The following NPAS2 variants were observed in gnomAD, a reference collection of about 807,000 sequenced individuals.
NPAS2 encodes neuronal PAS domain-containing protein 2.
A neutral mutation model predicts 107.5 loss-of-function variants in NPAS2; 23 were observed. The observed-to-expected ratio is 0.21, with a 90% CI of 0.15 to 0.30. The LOEUF (loss-of-function observed/expected upper bound fraction) is 0.30, where lower values mean the gene tolerates loss of function less well. Ranked by LOEUF, NPAS2 falls within the 10% of genes least tolerant of loss-of-function variation. NPAS2 has a pLI of 1.00. For synonymous variants in NPAS2, 403 were observed against 417.5 expected, an observed-to-expected ratio of 0.97 and a Z score of 0.42; for missense variants, 756 against 1,043.3, an observed-to-expected ratio of 0.72 and a Z score of 3.79.
intron 1 of NPAS2, among the ~76,000 whole-genome samples, chr2:100,875,629 C>T (rs934374586): frequency 6.6e-6 from 1 of 152,218 alleles, no homozygotes; most frequent in African/African-American, 2.4e-5. Flanking sequence ...GCTTGAAAGG[C>T]GCGGGCAGGG....
intron 5 of NPAS2, among the ~76,000 whole-genome samples, chr2:100,944,235 G>T (rs1210803179): frequency 2.6e-5 from 4 of 152,120 alleles, no homozygotes; most frequent in Non-Finnish European, 5.9e-5. Context: ...GCTCACCATT[G>T]CCTCTTCTCA....
chr2:100,850,236 C>T (rs987446755), intron 1 of NPAS2, among the ~76,000 whole-genome samples: 2 of 152,024 alleles, frequency 1.3e-5, no homozygotes, highest in African/African-American at 2.4e-5. Context: ...GGAAAATAAA[C>T]AAATTTTAAA....
At chr2:100,985,153 C>T (rs1383224205) in intron 16 of NPAS2, 1 of 152,292 alleles carries the variant, frequency 6.6e-6, no homozygotes, top group Non-Finnish European at 1.5e-5. Context: ...ATCCAGCCAT[C>T]ATCTATCCAT....
intron 7 of NPAS2, among the ~76,000 whole-genome samples, chr2:100,953,138 G>C (rs1022612588): frequency 7.4e-6 from 1 of 134,642 alleles, no homozygotes; most frequent in Admixed American, 7.0e-5. Context: ...CCCTTTGGGA[G>C]GCCAAGGCAG....
chr2:100,841,354 C>G (rs1677384615), intron 1 of NPAS2, among the ~76,000 whole-genome samples: 1 of 152,116 alleles, frequency 6.6e-6, no homozygotes, highest in East Asian at 1.9e-4. Flanking sequence ...AGGAGAATTG[C>G]TTGATGAACC....
intron 1 of NPAS2, among the ~76,000 whole-genome samples, chr2:100,836,223 CATACAT>C (rs1297198528): frequency 2.0e-5 from 3 of 152,146 alleles, no homozygotes; most frequent in African/African-American, 7.2e-5. Context: ...ATTTGATTGA[CATACAT>C]ATACACACAC....
chr2:100,872,648 A>G (rs529058520), intron 1 of NPAS2, among the ~76,000 whole-genome samples: 1 of 152,182 alleles, frequency 6.6e-6, no homozygotes, highest in African/African-American at 2.4e-5. Context: ...TTCCTTTTTC[A>G]AAGGAAATGG....
chr2:100,952,573 A>C (rs1232218261), intron 7 of NPAS2, among the ~76,000 whole-genome samples: 2 of 151,824 alleles, frequency 1.3e-5, no homozygotes, highest in East Asian at 1.9e-4. Flanking sequence ...TCAAAAAAAA[A>C]ACAAAAAAAC....
At chr2:100,857,868 C>T (rs960892337) in intron 1 of NPAS2, among the ~76,000 whole-genome samples, 2 of 152,244 alleles carry the variant, frequency 1.3e-5, no homozygotes, top group African/African-American at 4.8e-5. Context: ...TCTCTTATGT[C>T]TGCTTCGGAG....
At position 100,993,527 on chromosome 2, in the gene NPAS2, G is replaced by A. The variant is rs1274082728; in HGVS notation, c.2292G>A (p.Gln764=). Reference sequence around the variant, plus strand: ...AGCAGCCACCGCAGCACTACCTGCAGGTGGGTGCCACGGCCCAGGGGGCCC... The same window carrying A: ...AGCAGCCACCGCAGCACTACCTGCAAGTGGGTGCCACGGCCCAGGGGGCCC... The part of the protein sequence containing the change: ...ARQQPPQHYL[Q]VQAPTSLHSE... The change falls in exon 20 of 21, where the codon CAG becomes CAA. Residue 764 remains glutamine, a splice_region_variant and synonymous_variant. Transcript: ENST00000335681. 1 of 1,549,984 alleles carries A rather than the reference G, an allele frequency of 6.5e-7. No individual in the cohort carries two copies. Among genetic ancestry groups the A allele is most frequent in the Non-Finnish European group, 8.7e-7 (1 of 1,145,310 alleles).
chr2:100,971,289 A>C, intron 12 of NPAS2, among the ~76,000 whole-genome samples: 1 of 112,540 alleles, frequency 8.9e-6, no homozygotes. Flanking sequence ...ACAGAGTAAG[A>C]CTCTATCTCA....
chr2:100,899,163 A>G (rs1413962931), intron 1 of NPAS2, among the ~76,000 whole-genome samples: 1 of 151,950 alleles, frequency 6.6e-6, no homozygotes, highest in African/African-American at 2.4e-5. Flanking sequence ...TAGAGTGGAA[A>G]ACGGACGTTA....
At chr2:100,923,890 A>G (rs754990084) in intron 2 of NPAS2, among the ~76,000 whole-genome samples, 3 of 152,138 alleles carry the variant, frequency 2.0e-5, no homozygotes, top group East Asian at 1.9e-4. Context: ...GGCTTTTTGC[A>G]TCACGTGTTC....
intron 16 of NPAS2, chr2:100,984,530 A>G (rs1405305541): frequency 6.6e-6 from 1 of 152,214 alleles, no homozygotes; most frequent in African/African-American, 2.4e-5. Flanking sequence ...AGCAGATAAC[A>G]CTAATGAAAA....
intron 13 of NPAS2, chr2:100,975,214 C>A: frequency 1.7e-6 from 1 of 572,540 alleles, no homozygotes; most frequent in Non-Finnish European, 3.1e-6. Context: ...TCTGGGGAGG[C>A]GTCTGATCAG....
chr2:100,861,572 C>A lies in NPAS2; in HGVS notation c.-23+41158C>A, dbSNP rs185120643. 1.1e-4 allele frequency among the ~76,000 whole-genome samples: 17 copies of A among 152,160 alleles called. No individual in the cohort carries two copies. The East Asian group carries it at 2.3e-3, about 21-fold the overall frequency. On this transcript the variant is annotated intron_variant, in intron 1 of 20. Coordinates refer to ENST00000335681, the MANE Select transcript of NPAS2 (RefSeq NM_002518.4). ...GAGAGTTGTTTGTCAGCCAGGCAGT[C>A]ATGTGAGGGGCAGGTGGGCTCAGGG...
At chr2:100,875,600 G>A (rs553154589) in intron 1 of NPAS2, among the ~76,000 whole-genome samples, 14 of 152,274 alleles carry the variant, frequency 9.2e-5, no homozygotes, top group African/African-American at 2.4e-4. Flanking sequence ...CGCGGCTCCT[G>A]GACGCGCAGC....
intron 1 of NPAS2, among the ~76,000 whole-genome samples, chr2:100,861,585 G>T (rs1414203993): frequency 1.3e-5 from 2 of 152,172 alleles, no homozygotes; most frequent in Non-Finnish European, 2.9e-5. Context: ...GTGAGGGGCA[G>T]GTGGGCTCAG....
chr2:100,971,187 T>A, intron 12 of NPAS2, 113 bp downstream of exon 12: 1 of 923,348 alleles, frequency 1.1e-6, no homozygotes, highest in Non-Finnish European at 1.7e-6. Flanking sequence ...ACAACCAAGC[T>A]ATTCAGGAGG....
Sources: gnomAD v4.1 joint callset for allele counts (sites outside exome capture counted in the v4.1 genomes callset) on GRCh38, gnomAD v4.1.1 for gene constraint, MANE v1.5 for transcripts, NCBI Gene and HGNC (gene_info 2026-07-23, HGNC 2026-07-21) for gene names.